TXLNB: variants seen among roughly 807,000 people sequenced by gnomAD.
TXLNB encodes beta-taxilin.
In TXLNB, 37 loss-of-function variants were observed where a neutral mutation model predicts 57.4. The observed-to-expected ratio is 0.64, with a 90% CI of 0.50 to 0.85. The LOEUF is 0.85. Ranked by LOEUF, TXLNB falls within the 40% of genes least tolerant of loss-of-function variation. The pLI, the probability that TXLNB is intolerant of heterozygous loss-of-function variation, is 0.00. For synonymous variants in TXLNB, 302 were observed against 309.6 expected (o/e 0.98, Z 0.26); for missense variants, 848 against 825.6 (o/e 1.03, Z -0.33).
chr6:139,177,657 T>A, the TXLNB span: 4 of 152,784 alleles, frequency 2.6e-5, no homozygotes, highest in Middle Eastern at 3.4e-3. The surrounding 1 kb of genome is among the most constrained non-coding windows in gnomAD (Gnocchi z 4.9). Context: ...GCTGTTTCTA[T>A]CACTATTGTA....
At chr6:139,161,124 C>T in the TXLNB span, among the ~76,000 whole-genome samples, 1 of 151,916 alleles carries the variant, frequency 6.6e-6, no homozygotes, top group Non-Finnish European at 1.5e-5. Flanking sequence ...AAATAATGTC[C>T]GAGTTTAGAG....
the TXLNB span, among the ~76,000 whole-genome samples, chr6:139,214,370 AC>A: frequency 6.6e-5 from 10 of 152,234 alleles, no homozygotes; most frequent in Admixed American, 5.2e-4. Flanking sequence ...AGAACCAAAG[AC>A]AAAAACCACA....
At chr6:139,204,606 G>A in the TXLNB span, among the ~76,000 whole-genome samples, 2 of 152,200 alleles carry the variant, frequency 1.3e-5, no homozygotes, top group African/African-American at 4.8e-5. Context: ...AGTGGGAAGT[G>A]TGCTGCAGAC....
chr6:139,296,721 G>T (rs1777395782), upstream of TXLNB, among the ~76,000 whole-genome samples: 7 of 152,196 alleles, frequency 4.6e-5, 1 homozygote, highest in South Asian at 1.5e-3. Flanking sequence ...TGGCATTTAG[G>T]ACCCTTTGTT....
At chr6:139,164,108 T>A in the TXLNB span, among the ~76,000 whole-genome samples, 2 of 148,366 alleles carry the variant, frequency 1.3e-5, no homozygotes. Context: ...TCTGAGCATC[T>A]TCTCACACTG....
At chr6:139,210,792 G>C in the TXLNB span, among the ~76,000 whole-genome samples, 1 of 152,226 alleles carries the variant, frequency 6.6e-6, no homozygotes, top group African/African-American at 2.4e-5. Flanking sequence ...CTAATACTGC[G>C]CTCTTCCAAT....
chr6:139,315,167 G>GAA, the TXLNB span, among the ~76,000 whole-genome samples: 9 of 152,048 alleles, frequency 5.9e-5, no homozygotes, highest in Admixed American at 5.9e-4. Flanking sequence ...AAGACAGCGA[G>GAA]AAAACCTCAT....
the TXLNB span, among the ~76,000 whole-genome samples, chr6:139,184,059 C>G: frequency 6.6e-6 from 1 of 152,248 alleles, no homozygotes; most frequent in East Asian, 1.9e-4. Context: ...GTGGAGTCAG[C>G]GCTTCGTGAA....
In TXLNB at chr6:139,240,972, T is replaced by C. The variant is rs1279531433; in HGVS notation, c.*1554A>G. On this transcript the variant is annotated 3_prime_UTR_variant, in exon 10 of 10. Coordinates refer to ENST00000358430, the MANE Select transcript of TXLNB (RefSeq NM_153235.4). ...GGTTAGACATTGTTTCTTTCTTCCC[T>C]TCTCCCTCCTTCCTTTCTTCCTTCC... 1 of 152,368 alleles carries C rather than the reference T, an allele frequency of 6.6e-6. No individual in the cohort carries two copies. The allele number at this position is 152,368 out of a possible 1,614,324, so 9.4% of individuals were successfully genotyped here.
chr6:139,228,552 G>A, the TXLNB span, among the ~76,000 whole-genome samples: 1 of 147,928 alleles, frequency 6.8e-6, no homozygotes. Context: ...AAAAAGGGAA[G>A]TTAATGGATC....
intron 3 of TXLNB, among the ~76,000 whole-genome samples, chr6:139,272,635 T>C (rs6930395): frequency 0.19 from 29,030 of 152,252 alleles, 2,969 homozygotes; most frequent in African/African-American, 0.25. Context: ...AAGCTGCTCA[T>C]AGTATAGATG....
At chr6:139,161,142 C>A in the TXLNB span, among the ~76,000 whole-genome samples, 1 of 152,118 alleles carries the variant, frequency 6.6e-6, no homozygotes, top group South Asian at 2.1e-4. Context: ...GAGGCCAACA[C>A]ACTTCAGCAA....
chr6:139,281,461 C>T (rs1193382830), intron 2 of TXLNB, among the ~76,000 whole-genome samples: 6 of 149,420 alleles, frequency 4.0e-5, no homozygotes, highest in East Asian at 2.0e-4. Context: ...CATTTTCTAT[C>T]TCTTATCTTT....
intron 6 of TXLNB, among the ~76,000 whole-genome samples, chr6:139,260,012 C>T (rs977068218): frequency 6.6e-6 from 1 of 152,090 alleles, no homozygotes; most frequent in East Asian, 1.9e-4. Flanking sequence ...CACCTGAGGT[C>T]AGGAGTTCAA....
At chr6:139,270,686 GA>G (rs977581796) in intron 3 of TXLNB, 60 bp from the exon 4 acceptor site, 3 of 1,474,888 alleles carry the variant, frequency 2.0e-6, no homozygotes, top group Non-Finnish European at 1.9e-6. Flanking sequence ...GGAGTGGATA[GA>G]AAAAAAGCAA....
the TXLNB span, among the ~76,000 whole-genome samples, chr6:139,301,122 C>T: frequency 1.3e-5 from 2 of 152,082 alleles, no homozygotes; most frequent in East Asian, 1.9e-4. Flanking sequence ...TGTGGGACCC[C>T]CTGAGTTTGT....
chr6:139,259,950 C>T (rs1258308873), intron 6 of TXLNB, among the ~76,000 whole-genome samples: 2 of 152,120 alleles, frequency 1.3e-5, no homozygotes, highest in East Asian at 3.9e-4. Flanking sequence ...CGTCCAGGCG[C>T]GATGGTTCAC....
chr6:139,231,716 G>A, the TXLNB span, among the ~76,000 whole-genome samples: 1 of 152,028 alleles, frequency 6.6e-6, no homozygotes, highest in Non-Finnish European at 1.5e-5. Context: ...TACATATCTA[G>A]TAAGGAATCT....
chr6:139,182,998 T>C, the TXLNB span: 1 of 152,250 alleles, frequency 6.6e-6, no homozygotes, highest in Non-Finnish European at 1.5e-5. Flanking sequence ...GAACTAATTG[T>C]AATTCCTAAT....
Sources: gnomAD v4.1 joint callset for allele counts (sites outside exome capture counted in the v4.1 genomes callset) on GRCh38, gnomAD v4.1.1 for gene constraint, Gnocchi (gnomAD v3.1) non-coding constraint, MANE v1.5 for transcripts, NCBI Gene and HGNC (gene_info 2026-07-23, HGNC 2026-07-21) for gene names.